The following PARD3 variants were observed in gnomAD, a reference collection of about 807,000 sequenced individuals.
PARD3 encodes the protein partitioning defective 3 homolog.
In PARD3, 75 loss-of-function variants were observed where a neutral mutation model predicts 155.4. That is an observed-to-expected ratio of 0.48 (90% CI 0.40 to 0.58). The LOEUF (loss-of-function observed/expected upper bound fraction) is 0.58, where lower values mean the gene tolerates loss of function less well. PARD3 is among the 20% of genes least tolerant of loss of function. PARD3 has a pLI of 0.00. For synonymous variants in PARD3, 576 were observed against 610.5 expected (o/e 0.94, Z 0.83); for missense variants, 1,642 against 1,721.7 (o/e 0.95, Z 0.82).
chr10:34,367,371 T>C (rs1210952111), intron 12 of PARD3, among the ~76,000 whole-genome samples: 1 of 152,208 alleles, frequency 6.6e-6, no homozygotes, highest in Non-Finnish European at 1.5e-5. Context: ...ATACAATCGA[T>C]TTAATCATTT....
intron 2 of PARD3, among the ~76,000 whole-genome samples, chr10:34,670,830 T>C (rs2093597652): frequency 6.6e-6 from 1 of 152,196 alleles, no homozygotes. Context: ...ATCTTGTTTT[T>C]AAGACACAAA....
intron 2 of PARD3, among the ~76,000 whole-genome samples, chr10:34,538,609 G>A (rs575492799): frequency 6.6e-6 from 1 of 152,212 alleles, no homozygotes; most frequent in East Asian, 1.9e-4. Context: ...GTGCTCGGGG[G>A]CTGCACACCA....
At chr10:34,130,771 A>C (rs78941375) in intron 23 of PARD3, among the ~76,000 whole-genome samples, 1,569 of 152,340 alleles carry the variant, frequency 0.01, 23 homozygotes, top group African/African-American at 0.034. Context: ...AAGAATCAAG[A>C]ATTACTAGAC....
chr10:34,604,335 G>A (rs1448157391), intron 2 of PARD3, among the ~76,000 whole-genome samples: 1 of 152,048 alleles, frequency 6.6e-6, no homozygotes, highest in Admixed American at 6.6e-5. Flanking sequence ...TATGGTGGGC[G>A]AAATGTAGTC....
chr10:34,171,382 A>G (rs968590764), intron 22 of PARD3, among the ~76,000 whole-genome samples: 1 of 152,196 alleles, frequency 6.6e-6, no homozygotes, highest in South Asian at 2.1e-4. Context: ...CAACATTGCT[A>G]AGACGCTGGC....
At chr10:34,812,813 C>T (rs1160326583) in intron 1 of PARD3, among the ~76,000 whole-genome samples, 2 of 152,134 alleles carry the variant, frequency 1.3e-5, no homozygotes, top group Non-Finnish European at 2.9e-5. Context: ...AGCTCATAGG[C>T]CCCTTTTCTC....
chr10:34,204,788 GTA>G (rs879921213), intron 22 of PARD3, among the ~76,000 whole-genome samples: 1 of 152,140 alleles, frequency 6.6e-6, no homozygotes, highest in Non-Finnish European at 1.5e-5. Context: ...TGAATTCGTG[GTA>G]TCTATATTAT....
chr10:34,312,305 CTG>C, intron 20 of PARD3: 2 of 1,605,892 alleles, frequency 1.2e-6, no homozygotes, highest in Non-Finnish European at 1.7e-6. Context: ...AAAACAACAA[CTG>C]TGCAATATGT....
intron 20 of PARD3, among the ~76,000 whole-genome samples, chr10:34,303,949 G>C (rs1267199565): frequency 1.3e-5 from 2 of 152,146 alleles, no homozygotes; most frequent in East Asian, 3.9e-4. Context: ...GCAAGATAGA[G>C]GTACAAGGTG....
intron 2 of PARD3, among the ~76,000 whole-genome samples, chr10:34,669,615 G>GA (rs893123192): frequency 1.3e-5 from 2 of 151,808 alleles, no homozygotes; most frequent in African/African-American, 2.4e-5. Flanking sequence ...AAAAAAAACA[G>GA]AAAAAATTAC....
chr10:34,762,065 T>C (rs1260573685), intron 1 of PARD3, among the ~76,000 whole-genome samples: 1 of 152,198 alleles, frequency 6.6e-6, no homozygotes, highest in Non-Finnish European at 1.5e-5. Flanking sequence ...TTATTGACAT[T>C]GAAATAAGTT....
At chr10:34,459,318 C>G (rs939516201) in intron 4 of PARD3, among the ~76,000 whole-genome samples, 1 of 152,094 alleles carries the variant, frequency 6.6e-6, no homozygotes, top group Non-Finnish European at 1.5e-5. Context: ...AGGCGCCCAC[C>G]ACCATGCCCA....
chr10:34,400,055 A>G (rs919672546), intron 6 of PARD3, among the ~76,000 whole-genome samples: 2 of 152,216 alleles, frequency 1.3e-5, no homozygotes, highest in Non-Finnish European at 2.9e-5. Context: ...AACCGCTATA[A>G]GAGTGCTACA....
intron 1 of PARD3, among the ~76,000 whole-genome samples, chr10:34,726,909 G>A (rs142061697): frequency 1.5e-4 from 23 of 152,250 alleles, no homozygotes; most frequent in East Asian, 1.2e-3. Flanking sequence ...TCTATTGTCA[G>A]CAACTTTCTA....
At chr10:34,628,114 G>A (rs569196042) in intron 2 of PARD3, among the ~76,000 whole-genome samples, 1 of 152,184 alleles carries the variant, frequency 6.6e-6, no homozygotes, top group African/African-American at 2.4e-5. Context: ...CCCATGCTAC[G>A]TGGGAATACT....
intron 22 of PARD3, among the ~76,000 whole-genome samples, chr10:34,201,705 T>C (rs1478074379): frequency 2.6e-5 from 4 of 152,172 alleles, no homozygotes; most frequent in Admixed American, 2.6e-4. Flanking sequence ...AACTCTAGGG[T>C]ATGTTAAAAA....
chr10:34,766,955 C>G (rs115044981), intron 1 of PARD3, among the ~76,000 whole-genome samples: 3,617 of 152,158 alleles, frequency 0.024, 147 homozygotes, highest in African/African-American at 0.083. Context: ...CTAGACTCAG[C>G]GAGAAAGGAG....
At chr10:34,506,894 G>A (rs2081102075) in intron 3 of PARD3, among the ~76,000 whole-genome samples, 1 of 152,166 alleles carries the variant, frequency 6.6e-6, no homozygotes, top group Non-Finnish European at 1.5e-5. Context: ...ATAGTTCTCT[G>A]GAACACACAA....
chr10:34,239,558 T>C (rs543411481), intron 22 of PARD3, among the ~76,000 whole-genome samples: 25 of 152,186 alleles, frequency 1.6e-4, no homozygotes, highest in African/African-American at 6.0e-4. Flanking sequence ...TCTCAGCACT[T>C]TGGGAGGCCG....
Sources: gnomAD v4.1 joint callset for allele counts (sites outside exome capture counted in the v4.1 genomes callset) on GRCh38, gnomAD v4.1.1 for gene constraint, MANE v1.5 for transcripts, NCBI Gene and HGNC (gene_info 2026-07-23, HGNC 2026-07-21) for gene names.